Variants in HSPA12A observed in about 807,000 individuals in gnomAD.
The protein encoded by HSPA12A is heat shock 70 kDa protein 12A.
Under a neutral mutation model 69.2 loss-of-function variants are expected in HSPA12A, and 28 were observed. That is an observed-to-expected ratio of 0.40 (90% CI 0.30 to 0.55). The LOEUF (loss-of-function observed/expected upper bound fraction) is 0.55, where lower values mean the gene tolerates loss of function less well. Ranked by LOEUF, HSPA12A falls within the 20% of genes least tolerant of loss-of-function variation. The pLI is 0.38. For synonymous variants in HSPA12A, 345 were observed against 370.5 expected, an observed-to-expected ratio of 0.93 and a Z score of 0.79; for missense variants, 686 against 900.7, an observed-to-expected ratio of 0.76 and a Z score of 3.05.
In HSPA12A at chr10:116,846,553, T is replaced by C. The variant is rs529485122; in HGVS notation, c.3+3013A>G. The stretch of plus-strand genomic sequence containing the variant: ...TTAGTAGAGACAGGGTTTCACCATG[T>C]TGGCCAGGATGGTCTTGATCTCCTG... On this transcript the variant is annotated intron_variant, in intron 1 of 12. Coordinates refer to the HSPA12A transcript ENST00000635765. Among the ~76,000 whole-genome samples, 8 of 152,124 alleles carry C rather than the reference T, an allele frequency of 5.3e-5. No individual in the cohort carries two copies. In the South Asian group the frequency reaches 1.7e-3, roughly 32 times the overall value.
rs112383119 is a variant in HSPA12A at position 116,748,410 on chromosome 10, A to C, written c.92-41125T>G. ...GCAATGCTTGCACAAGTCTCCAAAA[A>C]CCCCAGAGTTAGGAATGCACACTAA... is the stretch of plus-strand genomic sequence containing the variant. On this transcript the variant is annotated intron_variant, in intron 2 of 12. Transcript: ENST00000635765. Among the ~76,000 whole-genome samples, 1,382 of 152,128 alleles carry C rather than the reference A, an allele frequency of 9.1e-3. 24 individuals carry two copies. The highest frequency in any genetic ancestry group is 0.032 in the African/African-American group (1,336 of 41,466).
At chr10:116,821,365 T>C (rs963027370) in intron 2 of HSPA12A, among the ~76,000 whole-genome samples, 2 of 152,066 alleles carry the variant, frequency 1.3e-5, no homozygotes, top group Non-Finnish European at 2.9e-5. Flanking sequence ...GGGATGCTCC[T>C]CCATTGGACA....
At chr10:116,804,704 T>C (rs774556046) in intron 2 of HSPA12A, among the ~76,000 whole-genome samples, 76 of 152,138 alleles carry the variant, frequency 5.0e-4, no homozygotes, top group Non-Finnish European at 9.4e-4. Flanking sequence ...ATTAAAACAA[T>C]TTTCCCCCTC....
intron 1 of HSPA12A, among the ~76,000 whole-genome samples, chr10:116,847,745 A>G (rs1845918387): frequency 6.6e-6 from 1 of 152,242 alleles, no homozygotes; most frequent in Middle Eastern, 3.2e-3. Flanking sequence ...GAACAAGACA[A>G]ATCAAGTCGC....
chr10:116,849,562 C>A (rs952172927), intron 1 of HSPA12A: 4 of 1,533,968 alleles, frequency 2.6e-6, no homozygotes, highest in Non-Finnish European at 3.5e-6. Context: ...CTTAAATCTC[C>A]TACCATGGAG....
chr10:116,799,597 T>C (rs1844912490), intron 2 of HSPA12A, among the ~76,000 whole-genome samples: 1 of 152,194 alleles, frequency 6.6e-6, no homozygotes, highest in African/African-American at 2.4e-5. Flanking sequence ...AAGCTCCTAA[T>C]AGAGAACGTT....
chr10:116,682,204 G>A (rs545144142), intron 7 of HSPA12A, among the ~76,000 whole-genome samples: 25 of 152,258 alleles, frequency 1.6e-4, no homozygotes, highest in Admixed American at 4.6e-4. Flanking sequence ...AGAGAATGTG[G>A]TCAAATGTGC....
At chr10:116,690,952 T>C (rs1298062482) in intron 6 of HSPA12A, among the ~76,000 whole-genome samples, 1 of 152,226 alleles carries the variant, frequency 6.6e-6, no homozygotes, top group Non-Finnish European at 1.5e-5. Context: ...GTGGCGTCTC[T>C]GCAGACAGCT....
rs1232729651 is a variant in HSPA12A, at chr10:116,679,572, G to A, written c.1217C>T (p.Pro406Leu). ...CTTGTAGTAGTCAATGAAGGAGAAG[G>A]GCAGGGTGATGTTCAGCGGGTTAGT... ...DRTNPLNITLPFSFIDYYKKF... is the reference protein window; with the variant it reads ...DRTNPLNITLLFSFIDYYKKF... Residue 406 changes from proline (P) to leucine (L), a missense_variant, in exon 10 of 12, where the codon CCC (proline) becomes CTC (leucine). Physicochemically the swap from Pro to Leu is moderately conservative, Grantham distance 98. Coordinates refer to ENST00000369209, the MANE Select transcript of HSPA12A (RefSeq NM_025015.3). The A allele has an allele frequency of 1.2e-6, 2 of 1,614,124 alleles. No homozygotes were observed. The highest frequency in any genetic ancestry group is 1.7e-6 in the Non-Finnish European group (2 of 1,180,064).
chr10:116,759,768 A>G (rs182961593), intron 2 of HSPA12A, among the ~76,000 whole-genome samples: 1 of 152,242 alleles, frequency 6.6e-6, no homozygotes, highest in East Asian at 1.9e-4. Flanking sequence ...AGCTCCCACA[A>G]TTCCCACATG....
chr10:116,849,792 G>C, upstream of HSPA12A: 2 of 1,452,474 alleles, frequency 1.4e-6, no homozygotes, highest in South Asian at 1.4e-5. Flanking sequence ...CCCGCGCTGC[G>C]GCAACGCCTT....
At chr10:116,760,946 C>T (rs7900299) in intron 2 of HSPA12A, among the ~76,000 whole-genome samples, 22,266 of 151,962 alleles carry the variant, frequency 0.15, 1,615 homozygotes, top group Non-Finnish European at 0.16. Context: ...TGCAAATATG[C>T]GCTCAACTAG....
chr10:116,688,072 A>G (rs573789956), intron 6 of HSPA12A, among the ~76,000 whole-genome samples: 1 of 152,248 alleles, frequency 6.6e-6, no homozygotes, highest in African/African-American at 2.4e-5. Flanking sequence ...TCTTCTTCCA[A>G]TGTGGCCCAC....
intron 1 of HSPA12A, among the ~76,000 whole-genome samples, chr10:116,728,870 G>C (rs1402176289): frequency 6.6e-6 from 1 of 152,182 alleles, no homozygotes; most frequent in Non-Finnish European, 1.5e-5. Context: ...CTGTGACCAG[G>C]GGCAGGTGCG....
At chr10:116,683,663 C>T in intron 7 of HSPA12A, 128 bp downstream of exon 7, 1 of 968,138 alleles carries the variant, frequency 1.0e-6, no homozygotes, top group Non-Finnish European at 1.4e-6. Context: ...GCTTAAAGCC[C>T]ACCTCCTCCC....
intron 1 of HSPA12A, among the ~76,000 whole-genome samples, chr10:116,842,547 G>A (rs1381354307): frequency 1.3e-5 from 2 of 152,136 alleles, no homozygotes; most frequent in African/African-American, 2.4e-5. Context: ...TTAAGCTGTG[G>A]CTACTTCTAT....
At chr10:116,683,767 G>A (rs1849489051) in intron 7 of HSPA12A, 24 bp downstream of exon 7, 2 of 1,496,504 alleles carry the variant, frequency 1.3e-6, no homozygotes, top group African/African-American at 1.4e-5. Context: ...GAGAGCAGGA[G>A]GGGGAGAGAG....
At chr10:116,797,097 G>A (rs1844844089) in intron 2 of HSPA12A, among the ~76,000 whole-genome samples, 1 of 152,182 alleles carries the variant, frequency 6.6e-6, no homozygotes, top group African/African-American at 2.4e-5. Context: ...CTGAGAGCAC[G>A]CACTTGCTGC....
chr10:116,675,210 C>T lies in HSPA12A; in HGVS notation c.1599G>A (p.Ser533=), dbSNP rs41284378. The T allele has an allele frequency of 2.0e-5, 32 of 1,613,672 alleles. No individual in the cohort carries two copies. Among genetic ancestry groups the T allele is most frequent in the Admixed American group, 3.3e-5 (2 of 60,018 alleles). Residue 533 remains serine, a synonymous_variant, in exon 12 of 12, where the codon TCG becomes TCA. Transcript: ENST00000369209. This position sits in a 1 kb window ranked among gnomAD's most constrained non-coding sequence, Gnocchi z 5.2. ...GCACGCCTACCCCGTAGGTGAGCGG[C>T]GACCGGCGCACCTTGATGACCGCGG... The part of the protein sequence containing the change: ...LDPAVIKVRR[S]PLTYGVGVLN...
Sources: allele counts gnomAD v4.1 joint callset (sites outside exome capture counted in the v4.1 genomes callset), GRCh38; gene constraint gnomAD v4.1.1; non-coding constraint Gnocchi (gnomAD v3.1); transcripts MANE v1.5; gene names NCBI Gene and HGNC (gene_info 2026-07-23, HGNC 2026-07-21).